Variants in PPARGC1A observed in about 807,000 individuals in gnomAD.
PPARGC1A encodes peroxisome proliferator-activated receptor gamma coactivator 1-alpha.
Under a neutral mutation model 88.7 loss-of-function variants are expected in PPARGC1A, and 25 were observed. The ratio of observed to expected loss-of-function variants is 0.28; its 90% CI spans 0.21 to 0.39. The LOEUF (loss-of-function observed/expected upper bound fraction) is 0.39, where lower values mean the gene tolerates loss of function less well. Ranked by LOEUF, PPARGC1A falls within the 10% of genes least tolerant of loss-of-function variation. The pLI is 1.00. For synonymous variants in PPARGC1A, 363 were observed against 355.6 expected, an observed-to-expected ratio of 1.02 and a Z score of -0.24; for missense variants, 880 against 968.7, an observed-to-expected ratio of 0.91 and a Z score of 1.22.
At chr4:24,269,963 A>G in the PPARGC1A span, among the ~76,000 whole-genome samples, 1 of 152,160 alleles carries the variant, frequency 6.6e-6, no homozygotes, top group African/African-American at 2.4e-5. Context: ...TGACTGGGCC[A>G]TGAGACACCC....
At chr4:24,125,220 A>T in the PPARGC1A span, among the ~76,000 whole-genome samples, 6 of 152,026 alleles carry the variant, frequency 3.9e-5, no homozygotes, top group Admixed American at 3.9e-4. Context: ...TGGGAATCAC[A>T]TAATTAACTC....
chr4:24,330,605 G>T, the PPARGC1A span, among the ~76,000 whole-genome samples: 1 of 152,138 alleles, frequency 6.6e-6, no homozygotes, highest in African/African-American at 2.4e-5. Flanking sequence ...CCCCAAAATT[G>T]TAAGAGAGAA....
At chr4:23,952,367 G>C in the PPARGC1A span, among the ~76,000 whole-genome samples, 1 of 152,136 alleles carries the variant, frequency 6.6e-6, no homozygotes, top group Non-Finnish European at 1.5e-5. Context: ...CTTCCTGATG[G>C]CTTCAGCCAA....
At chr4:24,296,427 A>G in the PPARGC1A span, among the ~76,000 whole-genome samples, 4 of 152,090 alleles carry the variant, frequency 2.6e-5, no homozygotes, top group African/African-American at 9.7e-5. Context: ...TTGCAACCCT[A>G]TCTCCAAAGA....
the PPARGC1A span, among the ~76,000 whole-genome samples, chr4:24,382,540 G>GT: frequency 1.3e-5 from 2 of 152,166 alleles, no homozygotes; most frequent in Non-Finnish European, 2.9e-5. Flanking sequence ...ATCTAGACAT[G>GT]TTTGTAGACT....
At chr4:24,050,656 C>A in the PPARGC1A span, among the ~76,000 whole-genome samples, 2 of 152,100 alleles carry the variant, frequency 1.3e-5, no homozygotes, top group South Asian at 4.1e-4. Flanking sequence ...ATGAAGTGGC[C>A]AATCTGACCC....
At chr4:23,838,352 A>G in intron 2 of PPARGC1A, among the ~76,000 whole-genome samples, 1 of 152,152 alleles carries the variant, frequency 6.6e-6, no homozygotes, top group East Asian at 1.9e-4. Flanking sequence ...CCCACATGTA[A>G]TGACTGAGAG....
chr4:24,113,773 G>A, the PPARGC1A span, among the ~76,000 whole-genome samples: 1 of 152,094 alleles, frequency 6.6e-6, no homozygotes, highest in Non-Finnish European at 1.5e-5. Flanking sequence ...ACTTGGAGCT[G>A]TGGCAGCTAT....
the PPARGC1A span, among the ~76,000 whole-genome samples, chr4:24,207,784 C>G: frequency 6.6e-6 from 1 of 152,006 alleles, no homozygotes; most frequent in Admixed American, 6.5e-5. Flanking sequence ...TAAAACTAGC[C>G]AGAGGAAATA....
chr4:23,958,913 TA>T, the PPARGC1A span, among the ~76,000 whole-genome samples: 2 of 151,966 alleles, frequency 1.3e-5, no homozygotes, highest in Middle Eastern at 3.4e-3. Flanking sequence ...TATTTATCCT[TA>T]AAGGGCTTAT....
At chr4:24,434,557 G>A in the PPARGC1A span, among the ~76,000 whole-genome samples, 35 of 152,196 alleles carry the variant, frequency 2.3e-4, 1 homozygote, top group Admixed American at 6.5e-5. Flanking sequence ...AATGCTCGGT[G>A]CACAGGGTCT....
the PPARGC1A span, among the ~76,000 whole-genome samples, chr4:23,915,158 A>G: frequency 6.6e-6 from 1 of 152,166 alleles, no homozygotes; most frequent in Admixed American, 6.5e-5. Flanking sequence ...AATGTTTAAA[A>G]TTTATTTTCT....
chr4:23,795,652 G>A lies in PPARGC1A; in HGVS notation c.*170C>T. 3.6e-6 allele frequency: 2 copies of A among 561,530 alleles called. No homozygotes were observed. The highest frequency in any genetic ancestry group is 6.2e-6 in the Non-Finnish European group (2 of 320,978). 34.8% of individuals were successfully genotyped at this position (561,530 alleles called of 1,614,324 possible). On this transcript the variant is annotated 3_prime_UTR_variant, in exon 13 of 13. Coordinates refer to ENST00000264867, the MANE Select transcript of PPARGC1A (RefSeq NM_013261.5). ...AGCTGTGTTCATGTAAACCATTGTT[G>A]TTATTGTTGTTGTTGTTCTTGTTGT... is the stretch of plus-strand genomic sequence containing the variant.
At chr4:24,335,735 A>C in the PPARGC1A span, among the ~76,000 whole-genome samples, 1 of 152,200 alleles carries the variant, frequency 6.6e-6, no homozygotes, top group African/African-American at 2.4e-5. Context: ...ATGACAGTCC[A>C]TCACCCAGGG....
At chr4:24,277,477 C>A in the PPARGC1A span, among the ~76,000 whole-genome samples, 1 of 152,002 alleles carries the variant, frequency 6.6e-6, no homozygotes, top group Non-Finnish European at 1.5e-5. Context: ...AATTAGGATG[C>A]TGCATGGGAA....
the PPARGC1A span, among the ~76,000 whole-genome samples, chr4:24,054,208 G>C: frequency 1.3e-5 from 2 of 151,016 alleles, no homozygotes; most frequent in African/African-American, 2.4e-5. Flanking sequence ...ATCCTAAGGG[G>C]AAAAGAAGTG....
the PPARGC1A span, among the ~76,000 whole-genome samples, chr4:24,204,253 A>G: frequency 6.6e-6 from 1 of 152,254 alleles, no homozygotes; most frequent in East Asian, 1.9e-4. Flanking sequence ...CAGCAGCAGT[A>G]TTTGATTGTA....
At chr4:24,163,335 T>C in the PPARGC1A span, among the ~76,000 whole-genome samples, 1 of 151,836 alleles carries the variant, frequency 6.6e-6, no homozygotes, top group Non-Finnish European at 1.5e-5. Context: ...CAACATAAAT[T>C]TCGTACCACT....
chr4:24,030,677 T>C, the PPARGC1A span, among the ~76,000 whole-genome samples: 1,279 of 152,276 alleles, frequency 8.4e-3, 44 homozygotes, highest in East Asian at 0.095. Context: ...CAGCCTTCCT[T>C]TCTCCAAGTG....
Sources: allele counts gnomAD v4.1 joint callset (sites outside exome capture counted in the v4.1 genomes callset), GRCh38; gene constraint gnomAD v4.1.1; transcripts MANE v1.5; gene names NCBI Gene and HGNC (gene_info 2026-07-23, HGNC 2026-07-21).